Variants in LARGE1 observed in about 807,000 individuals in gnomAD.
The protein encoded by LARGE1 is LARGE xylosyl- and glucuronyltransferase 1.
Under a neutral mutation model 87.6 loss-of-function variants are expected in LARGE1, and 43 were observed. That is an observed-to-expected ratio of 0.49 (90% CI 0.38 to 0.63). LARGE1 has a LOEUF of 0.63. LARGE1 is among the 30% of genes least tolerant of loss of function. The pLI is 0.00. For missense variants in LARGE1, 802 were observed against 1,000.2 expected, an observed-to-expected ratio of 0.80 and a Z score of 2.67; for synonymous variants, 434 against 394.6, an observed-to-expected ratio of 1.10 and a Z score of -1.18.
intron 6 of LARGE1, among the ~76,000 whole-genome samples, chr22:33,564,552 C>A (rs2077964543): frequency 6.6e-6 from 1 of 152,218 alleles, no homozygotes; most frequent in South Asian, 2.1e-4. Context: ...CCAATGAACA[C>A]ACGTCCCGAC....
chr22:33,194,797 G>T (rs1469399203), intron 11 of LARGE1, among the ~76,000 whole-genome samples: 3 of 152,188 alleles, frequency 2.0e-5, no homozygotes, highest in Non-Finnish European at 4.4e-5. Context: ...TAATCTTACA[G>T]AAAGGGGAAT....
intron 5 of LARGE1, among the ~76,000 whole-genome samples, chr22:33,583,715 G>A (rs897638580): frequency 6.6e-6 from 1 of 152,034 alleles, no homozygotes. Context: ...AAGGACAGTT[G>A]GGTCCCCCCC....
chr22:33,149,979 T>A, the LARGE1 span, among the ~76,000 whole-genome samples: 1 of 152,246 alleles, frequency 6.6e-6, no homozygotes, highest in Non-Finnish European at 1.5e-5. Flanking sequence ...AGTTCTCTGC[T>A]TTAAGGTCTC....
intron 6 of LARGE1, among the ~76,000 whole-genome samples, chr22:33,534,130 C>A (rs540246865): frequency 1.3e-5 from 2 of 152,066 alleles, no homozygotes; most frequent in Admixed American, 6.5e-5. Flanking sequence ...GTCAGCCGGG[C>A]GTGGTGGCTC....
chr22:33,410,269 C>G (rs1328659855), intron 7 of LARGE1, among the ~76,000 whole-genome samples: 1 of 152,132 alleles, frequency 6.6e-6, no homozygotes, highest in Non-Finnish European at 1.5e-5. Flanking sequence ...GCTCTCTAAC[C>G]TATAGACTGG....
At chr22:33,158,720 A>G (rs1379654131), downstream of LARGE1, among the ~76,000 whole-genome samples, 1 of 152,228 alleles carries the variant, frequency 6.6e-6, no homozygotes, top group African/African-American at 2.4e-5. Flanking sequence ...GTCTTCTGCT[A>G]TCACTTGCAA....
At chr22:33,254,761 G>A (rs540126755) in intron 11 of LARGE1, among the ~76,000 whole-genome samples, 1 of 152,202 alleles carries the variant, frequency 6.6e-6, no homozygotes, top group South Asian at 2.1e-4. Flanking sequence ...GTACTTACTA[G>A]GTTTATTGAT....
intron 1 of LARGE1, among the ~76,000 whole-genome samples, chr22:33,773,088 A>C (rs1013166824): frequency 6.6e-6 from 1 of 152,084 alleles, no homozygotes; most frequent in Non-Finnish European, 1.5e-5. Context: ...TGCAAAGTTC[A>C]CTTTGGTAAC....
At chr22:33,608,778 C>G (rs1373894013) in intron 4 of LARGE1, among the ~76,000 whole-genome samples, 1 of 152,198 alleles carries the variant, frequency 6.6e-6, no homozygotes, top group Non-Finnish European at 1.5e-5. Context: ...GCTTGGCATC[C>G]CGGCTGCAGT....
At chr22:33,657,042 T>G (rs1186794457) in intron 2 of LARGE1, 1 of 152,204 alleles carries the variant, frequency 6.6e-6, no homozygotes, top group Non-Finnish European at 1.5e-5. Flanking sequence ...TGCTGGCATC[T>G]GGTACTGCAT....
chr22:33,351,042 T>C (rs56100989), intron 9 of LARGE1, among the ~76,000 whole-genome samples: 10,694 of 152,332 alleles, frequency 0.07, 510 homozygotes, highest in Non-Finnish European at 0.097. Flanking sequence ...ACGTTTTGCC[T>C]GAAATGACAA....
At chr22:33,627,328 G>A (rs1002945893) in intron 3 of LARGE1, among the ~76,000 whole-genome samples, 3 of 152,240 alleles carry the variant, frequency 2.0e-5, no homozygotes, top group South Asian at 2.1e-4. Flanking sequence ...ATCCAGCCTC[G>A]GGAAGAATGG....
At chr22:33,234,611 G>A (rs979933925) in intron 11 of LARGE1, among the ~76,000 whole-genome samples, 4 of 151,990 alleles carry the variant, frequency 2.6e-5, no homozygotes, top group African/African-American at 7.3e-5. Flanking sequence ...GTGCTATCTC[G>A]TCTCACTGCA....
chr22:33,910,272 C>A (rs1379261218), intron 1 of LARGE1, among the ~76,000 whole-genome samples: 2 of 152,168 alleles, frequency 1.3e-5, no homozygotes, highest in African/African-American at 2.4e-5. Context: ...TCGCAAGGTG[C>A]TTTCATAGAT....
chr22:33,840,077 C>CT (rs768878483), intron 1 of LARGE1, among the ~76,000 whole-genome samples: 49 of 152,180 alleles, frequency 3.2e-4, no homozygotes, highest in Non-Finnish European at 3.7e-4. Flanking sequence ...TGGTAAGAAA[C>CT]TATGTAAACC....
In LARGE1 at chr22:33,634,932, C is replaced by T. The variant is rs541424357; in HGVS notation, c.409-8606G>A. ...TCACAGGTCAGACCAGCCTGGCCAA[C>T]ATGGTGAAACCATTTCTACTAAAAA... is the stretch of plus-strand genomic sequence containing the variant. On this transcript the variant is annotated intron_variant, in intron 3 of 14. Coordinates refer to ENST00000397394, the MANE Select transcript of LARGE1 (RefSeq NM_133642.5). Among the ~76,000 whole-genome samples, 336 of 152,054 alleles carry T rather than the reference C, an allele frequency of 2.2e-3. 1 individual carries two copies. Among genetic ancestry groups the T allele is most frequent in the African/African-American group, 7.8e-3 (324 of 41,488 alleles).
intron 1 of LARGE1, among the ~76,000 whole-genome samples, chr22:33,915,517 A>C (rs966568462): frequency 7.2e-5 from 11 of 152,200 alleles, no homozygotes; most frequent in Non-Finnish European, 1.5e-5. Flanking sequence ...TGCCAGGTGT[A>C]ATTCATGTAC....
At chr22:33,754,893 ACT>A (rs1188306460) in intron 2 of LARGE1, among the ~76,000 whole-genome samples, 2 of 152,038 alleles carry the variant, frequency 1.3e-5, no homozygotes, top group Admixed American at 6.5e-5. Context: ...CTTCCAGCAC[ACT>A]CTCTGGGATG....
chr22:33,207,884 G>A (rs1429334813), intron 11 of LARGE1, among the ~76,000 whole-genome samples: 1 of 151,834 alleles, frequency 6.6e-6, no homozygotes, highest in African/African-American at 2.4e-5. Flanking sequence ...GGAGGGGAGA[G>A]GAAAAAATAA....
Sources: allele counts gnomAD v4.1 joint callset (sites outside exome capture counted in the v4.1 genomes callset), GRCh38; gene constraint gnomAD v4.1.1; transcripts MANE v1.5; gene names NCBI Gene and HGNC (gene_info 2026-07-23, HGNC 2026-07-21).